Variants in AFG1L observed in about 807,000 individuals in gnomAD.
AFG1L encodes AFG1-like ATPase.
In AFG1L, 53 loss-of-function variants were observed where a neutral mutation model predicts 62.2. That is an observed-to-expected ratio of 0.85 (90% CI 0.68 to 1.07). AFG1L has a LOEUF of 1.07. AFG1L is among the 50% of genes least tolerant of loss of function. The pLI, the probability that AFG1L is intolerant of heterozygous loss-of-function variation, is 0.00. For synonymous variants in AFG1L, 228 were observed against 210.3 expected, an observed-to-expected ratio of 1.08 and a Z score of -0.73; for missense variants, 555 against 590.5, an observed-to-expected ratio of 0.94 and a Z score of 0.62.
intron 10 of AFG1L, among the ~76,000 whole-genome samples, chr6:108,500,745 G>T (rs1030482037): frequency 6.6e-6 from 1 of 152,126 alleles, no homozygotes; most frequent in African/African-American, 2.4e-5. Flanking sequence ...TTTCCATGGG[G>T]GTTGAACTAA....
At chr6:108,487,921 A>C (rs1023294624) in intron 10 of AFG1L, among the ~76,000 whole-genome samples, 1 of 152,204 alleles carries the variant, frequency 6.6e-6, no homozygotes, top group African/African-American at 2.4e-5. Flanking sequence ...TAATCCAGAA[A>C]GAGTCATTTT....
chr6:108,412,866 A>G (rs1180858848), intron 7 of AFG1L, among the ~76,000 whole-genome samples: 1 of 152,238 alleles, frequency 6.6e-6, no homozygotes, highest in African/African-American at 2.4e-5. Context: ...ACTAATGAGC[A>G]AAATAACCAG....
At chr6:108,357,931 G>A (rs1300456693) in intron 5 of AFG1L, among the ~76,000 whole-genome samples, 1 of 152,192 alleles carries the variant, frequency 6.6e-6, no homozygotes, top group Admixed American at 6.5e-5. Flanking sequence ...CAGCAATGCT[G>A]TTACACTAAA....
intron 7 of AFG1L, among the ~76,000 whole-genome samples, chr6:108,411,575 G>C (rs1463306777): frequency 6.6e-6 from 1 of 152,320 alleles, no homozygotes; most frequent in East Asian, 1.9e-4. Flanking sequence ...GGAAGGATCA[G>C]GCAGCAACAT....
chr6:108,449,617 A>G (rs1176063428), intron 8 of AFG1L, among the ~76,000 whole-genome samples: 1 of 151,946 alleles, frequency 6.6e-6, no homozygotes, highest in East Asian at 1.9e-4. Context: ...TTTTATTATT[A>G]TACTTTAACT....
intron 1 of AFG1L, among the ~76,000 whole-genome samples, chr6:108,322,696 G>A (rs1777862759): frequency 1.3e-5 from 2 of 152,126 alleles, no homozygotes; most frequent in African/African-American, 4.8e-5. Flanking sequence ...AATTCTTTTT[G>A]CTAAAGTAAT....
In AFG1L at chr6:108,324,044, C is replaced by A; in HGVS notation, c.359C>A (p.Ser120Ter). 1 of 1,605,566 alleles carries A rather than the reference C, an allele frequency of 6.2e-7. No individual in the cohort carries two copies. The highest frequency in any genetic ancestry group is 1.1e-5 in the South Asian group (1 of 90,608). Residue 120 changes from serine (S) to a stop codon, truncating the protein, a stop_gained, in exon 2 of 13, where the codon TCA (serine) becomes TAA (stop). Coordinates refer to ENST00000368977, the MANE Select transcript of AFG1L (RefSeq NM_145315.5). LOFTEE classifies it high-confidence loss of function. ...AATATAGAGGCAGAAGGCCTTTTTT[C>A]AAAGGTGAGGCTTGTGTGATATGAA... is the stretch of plus-strand genomic sequence containing the variant. ...GYNIEAEGLFSKLFSRSKPPR... is the reference protein window; with the variant it reads ...GYNIEAEGLF
intron 10 of AFG1L, among the ~76,000 whole-genome samples, chr6:108,501,311 G>C (rs893124000): frequency 1.3e-5 from 2 of 152,108 alleles, no homozygotes; most frequent in South Asian, 4.1e-4. Flanking sequence ...ATTTTTGATA[G>C]TTACCATCTA....
At chr6:108,313,658 A>G (rs1401018926) in intron 1 of AFG1L, among the ~76,000 whole-genome samples, 4 of 152,118 alleles carry the variant, frequency 2.6e-5, no homozygotes, top group East Asian at 3.9e-4. Context: ...CTCCCATCTC[A>G]GTCTCCTGTG....
chr6:108,427,944 GTTA>G (rs1770900029), intron 7 of AFG1L, among the ~76,000 whole-genome samples: 2 of 152,154 alleles, frequency 1.3e-5, no homozygotes, highest in Non-Finnish European at 2.9e-5. Flanking sequence ...TTTCTAAAAA[GTTA>G]TTATATATTT....
chr6:108,428,086 A>G (rs1770905482), intron 7 of AFG1L, among the ~76,000 whole-genome samples: 1 of 152,102 alleles, frequency 6.6e-6, no homozygotes, highest in Non-Finnish European at 1.5e-5. Context: ...GTAGTTTTTT[A>G]TACTCACCCC....
chr6:108,507,640 T>C (rs141635116), intron 10 of AFG1L, among the ~76,000 whole-genome samples: 1 of 152,350 alleles, frequency 6.6e-6, no homozygotes, highest in East Asian at 1.9e-4. Flanking sequence ...AGCTTAATTA[T>C]ACATAACTAC....
intron 4 of AFG1L, among the ~76,000 whole-genome samples, chr6:108,356,145 C>A (rs892821821): frequency 1.3e-5 from 2 of 152,072 alleles, no homozygotes; most frequent in African/African-American, 4.8e-5. Flanking sequence ...TGCTAGTGAT[C>A]TTACGTTATT....
chr6:108,517,601 T>C (rs1774953826), intron 11 of AFG1L, among the ~76,000 whole-genome samples: 1 of 152,188 alleles, frequency 6.6e-6, no homozygotes, highest in South Asian at 2.1e-4. Flanking sequence ...GGGCAAGGAC[T>C]TCATGTCTAA....
intron 2 of AFG1L, among the ~76,000 whole-genome samples, chr6:108,331,234 C>T (rs532337179): frequency 2.0e-4 from 30 of 152,058 alleles, no homozygotes; most frequent in Non-Finnish European, 4.0e-4. Flanking sequence ...TGCAGTAAGC[C>T]GAGATCGTGC....
chr6:108,413,253 C>G (rs1782200882), intron 7 of AFG1L, among the ~76,000 whole-genome samples: 1 of 151,954 alleles, frequency 6.6e-6, no homozygotes, highest in African/African-American at 2.4e-5. Flanking sequence ...ACGGGAGCAC[C>G]CAGATTAATA....
intron 6 of AFG1L, among the ~76,000 whole-genome samples, chr6:108,393,240 A>G (rs1781135108): frequency 6.6e-6 from 1 of 152,156 alleles, no homozygotes; most frequent in African/African-American, 2.4e-5. Flanking sequence ...AAATAATATT[A>G]AACAGCTAAT....
intron 2 of AFG1L, among the ~76,000 whole-genome samples, chr6:108,331,103 C>G (rs1320202785): frequency 2.0e-5 from 3 of 151,656 alleles, no homozygotes; most frequent in Non-Finnish European, 4.4e-5. Context: ...GCCTGGCCAA[C>G]ATAGGGAGAC....
At chr6:108,514,779 C>T (rs1386309563) in intron 11 of AFG1L, among the ~76,000 whole-genome samples, 2 of 151,976 alleles carry the variant, frequency 1.3e-5, no homozygotes, top group Non-Finnish European at 2.9e-5. Context: ...CACACATGGA[C>T]TCAAAATAAA....
Sources: gnomAD v4.1 joint callset for allele counts (sites outside exome capture counted in the v4.1 genomes callset) on GRCh38, gnomAD v4.1.1 for gene constraint, MANE v1.5 for transcripts, NCBI Gene and HGNC (gene_info 2026-07-23, HGNC 2026-07-21) for gene names.